Variants in MEIKIN observed in about 807,000 individuals in gnomAD.
The protein encoded by MEIKIN is meiotic kinetochore factor, also known as meiosis-specific kinetochore protein.
At chr5:131,902,170 T>C (rs539586461) in intron 8 of MEIKIN, among the ~76,000 whole-genome samples, 1 of 152,346 alleles carries the variant, frequency 6.6e-6, no homozygotes, top group Non-Finnish European at 1.5e-5. Flanking sequence ...CAATGGCTCA[T>C]GCTTGCAATC....
chr5:131,827,224 A>G (rs1180507156), intron 11 of MEIKIN, among the ~76,000 whole-genome samples: 2 of 152,134 alleles, frequency 1.3e-5, no homozygotes, highest in Non-Finnish European at 2.9e-5. Context: ...GCCTCAAGCA[A>G]TCCTCCAGTT....
intron 11 of MEIKIN, among the ~76,000 whole-genome samples, chr5:131,830,830 G>A (rs1311193320): frequency 1.3e-5 from 2 of 152,036 alleles, no homozygotes; most frequent in Non-Finnish European, 2.9e-5. Flanking sequence ...CCAAGAAAAT[G>A]AAGCCAATCA....
intron 11 of MEIKIN, among the ~76,000 whole-genome samples, chr5:131,825,778 C>A (rs1749599622): frequency 6.6e-6 from 1 of 152,222 alleles, no homozygotes; most frequent in Admixed American, 6.5e-5. Flanking sequence ...AGGAGCCTGG[C>A]CACAGGACAG....
At chr5:131,821,990 A>G (rs1749516364) in intron 11 of MEIKIN, among the ~76,000 whole-genome samples, 1 of 152,162 alleles carries the variant, frequency 6.6e-6, no homozygotes, top group Non-Finnish European at 1.5e-5. Flanking sequence ...GTGCACATGT[A>G]TTCACAATCA....
intron 5 of MEIKIN, among the ~76,000 whole-genome samples, chr5:131,932,960 T>G (rs1239174810): frequency 6.6e-6 from 1 of 152,208 alleles, no homozygotes. Context: ...CCTTCCAAAC[T>G]TTGTACTTTC....
chr5:131,892,919 G>A (rs764135727), intron 8 of MEIKIN, among the ~76,000 whole-genome samples: 1 of 152,128 alleles, frequency 6.6e-6, no homozygotes. Context: ...CTGTTTGTTA[G>A]TTTTCCTTCT....
chr5:131,849,963 C>T (rs1029253780), intron 11 of MEIKIN, among the ~76,000 whole-genome samples: 1 of 151,118 alleles, frequency 6.6e-6, no homozygotes, highest in Non-Finnish European at 1.5e-5. Flanking sequence ...TAAATGAATT[C>T]AGCAAATTAA....
At chr5:131,862,925 C>A (rs1356484102) in intron 9 of MEIKIN, among the ~76,000 whole-genome samples, 1 of 152,156 alleles carries the variant, frequency 6.6e-6, no homozygotes, top group African/African-American at 2.4e-5. Flanking sequence ...TCTCAAACTC[C>A]TGGCCTCAAG....
At chr5:131,937,916 A>G (rs1751807928) in intron 4 of MEIKIN, among the ~76,000 whole-genome samples, 1 of 151,952 alleles carries the variant, frequency 6.6e-6, no homozygotes, top group Non-Finnish European at 1.5e-5. Flanking sequence ...CTTGGCTCTC[A>G]GTATCTCTGT....
chr5:131,885,341 A>G (rs1001817940), intron 8 of MEIKIN, among the ~76,000 whole-genome samples: 78 of 61,972 alleles, frequency 1.3e-3, no homozygotes, highest in Non-Finnish European at 1.5e-3. Flanking sequence ...TCAGAACTGA[A>G]AGAGAGAGAG....
intron 9 of MEIKIN, among the ~76,000 whole-genome samples, chr5:131,870,899 C>A (rs565797718): frequency 3.6e-4 from 55 of 152,126 alleles, no homozygotes; most frequent in African/African-American, 1.3e-3. Context: ...CAGTGACAAT[C>A]TAGTGTAGTA....
intron 12 of MEIKIN, among the ~76,000 whole-genome samples, chr5:131,810,023 G>C (rs141683803): frequency 6.6e-6 from 1 of 152,278 alleles, no homozygotes; most frequent in African/African-American, 2.4e-5. Context: ...CAATTTTACA[G>C]ATAGGAGGCT....
intron 8 of MEIKIN, among the ~76,000 whole-genome samples, chr5:131,910,747 T>C (rs1257781460): frequency 6.6e-6 from 1 of 151,744 alleles, no homozygotes; most frequent in African/African-American, 2.4e-5. Flanking sequence ...ATAAAAAAAT[T>C]GTAAAAAGAA....
At chr5:131,888,866 C>T (rs971273439) in intron 8 of MEIKIN, among the ~76,000 whole-genome samples, 4 of 152,120 alleles carry the variant, frequency 2.6e-5, no homozygotes, top group African/African-American at 9.7e-5. Flanking sequence ...AGTCTTTAAT[C>T]CATCTTGAAT....
chr5:131,894,544 T>C (rs1366084118), intron 8 of MEIKIN, among the ~76,000 whole-genome samples: 2 of 152,234 alleles, frequency 1.3e-5, no homozygotes, highest in Non-Finnish European at 2.9e-5. Flanking sequence ...TGGAATGTTC[T>C]TCCATTTGTT....
intron 8 of MEIKIN, among the ~76,000 whole-genome samples, chr5:131,880,947 G>A (rs1477916274): frequency 1.3e-5 from 2 of 152,164 alleles, no homozygotes; most frequent in African/African-American, 4.8e-5. Flanking sequence ...ATTATTTGCT[G>A]TTTATTAGAA....
intron 9 of MEIKIN, among the ~76,000 whole-genome samples, chr5:131,862,717 A>G (rs768483266): frequency 5.3e-5 from 8 of 152,066 alleles, no homozygotes; most frequent in Middle Eastern, 3.2e-3. Context: ...TTTTTAAAAG[A>G]CAAGGTCTTA....
At chr5:131,908,564 G>A (rs948150876) in intron 8 of MEIKIN, among the ~76,000 whole-genome samples, 7 of 152,104 alleles carry the variant, frequency 4.6e-5, no homozygotes, top group Admixed American at 1.3e-4. Context: ...ACATAGTATC[G>A]GAAGTCTAGC....
intron 5 of MEIKIN, among the ~76,000 whole-genome samples, chr5:131,932,559 G>A (rs1751707659): frequency 6.6e-6 from 1 of 152,202 alleles, no homozygotes; most frequent in African/African-American, 2.4e-5. Flanking sequence ...CAGAAAGCAA[G>A]TGACATGGCC....
Sources: allele counts gnomAD v4.1 joint callset (sites outside exome capture counted in the v4.1 genomes callset), GRCh38; gene constraint gnomAD v4.1.1; transcripts MANE v1.5; gene names NCBI Gene and HGNC (gene_info 2026-07-23, HGNC 2026-07-21).